ALG14: variants seen among roughly 807,000 people sequenced by gnomAD.
The protein encoded by ALG14 is UDP-N-acetylglucosamine transferase subunit ALG14.
Under a neutral mutation model 22.8 loss-of-function variants are expected in ALG14, and 17 were observed. That is an observed-to-expected ratio of 0.75 (90% confidence interval 0.51 to 1.12). ALG14 has a LOEUF of 1.12. Ranked by LOEUF, ALG14 falls within the 50% of genes most tolerant of loss-of-function variation. The pLI is 0.00. For synonymous variants in ALG14, 89 were observed against 103.7 expected, an observed-to-expected ratio of 0.86 and a Z score of 0.86; for missense variants, 288 against 271.8, an observed-to-expected ratio of 1.06 and a Z score of -0.42.
chr1:94,993,184 G>A lies in ALG14; in HGVS notation c.421-9878C>T, dbSNP rs533983890. Among the ~76,000 whole-genome samples, 9 of 148,936 alleles carry A rather than the reference G, an allele frequency of 6.0e-5. No homozygotes were observed. The South Asian group carries it at 1.9e-3, about 32-fold the overall frequency. Reference sequence around the variant, plus strand: ...TCTTATATATCACTTGGAGTAGACTGGGCAGGGCAAAAATTGAGGAAGGGT... The same window carrying A: ...TCTTATATATCACTTGGAGTAGACTAGGCAGGGCAAAAATTGAGGAAGGGT... On this transcript the variant is annotated intron_variant, in intron 3 of 3. Coordinates refer to ENST00000370205, the MANE Select transcript of ALG14 (RefSeq NM_144988.4).
rs1340916232 is a variant in ALG14 at position 95,045,194 on chromosome 1, T to C, written c.289-17934A>G. Among the ~76,000 whole-genome samples, 68 of 152,176 alleles carry C rather than the reference T, an allele frequency of 4.5e-4. 1 individual carries two copies. The highest frequency in any genetic ancestry group is 1.3e-4 in the Non-Finnish European group (9 of 68,016). On this transcript the variant is annotated intron_variant, in intron 2 of 3. Transcript: ENST00000370205. ...TTTCTGAACTTGTATTACTTGATAG[T>C]CTTTTGTTGATTTTGTTTCTAGATA... is the stretch of plus-strand genomic sequence containing the variant.
At chr1:95,013,253 T>C (rs1262713651) in intron 3 of ALG14, among the ~76,000 whole-genome samples, 1 of 152,104 alleles carries the variant, frequency 6.6e-6, no homozygotes, top group Non-Finnish European at 1.5e-5. Flanking sequence ...GTATTTGAAA[T>C]TAACCATAAG....
rs1184362756 is a variant in ALG14 at position 95,072,843 on chromosome 1, A to G, written c.56T>C (p.Ile19Thr). ...AAAGAVAVFLILRIWVVLRSM... is the reference protein window; with the variant it reads ...AAAGAVAVFLTLRIWVVLRSM... ...ACGAAGCACTACCCATATTCGCAGG[A>G]TTAGGAAAACCGCCACAGCTCCTGC... Residue 19 changes from isoleucine (I) to threonine (T), a missense_variant, in exon 1 of 4, where the codon ATC becomes ACC. By Grantham distance (89) the Ile-to-Thr change is moderately conservative (BLOSUM62 -1). Transcript: ENST00000370205. 1.2e-6 allele frequency: 2 copies of G among 1,614,026 alleles called. No homozygotes were observed. The highest frequency in any genetic ancestry group is 1.7e-6 in the Non-Finnish European group (2 of 1,180,042).
intron 3 of ALG14, among the ~76,000 whole-genome samples, chr1:95,023,793 C>T (rs1379281602): frequency 6.6e-6 from 1 of 152,192 alleles, no homozygotes; most frequent in Non-Finnish European, 1.5e-5. Flanking sequence ...TTTGGAAACC[C>T]TCCTGGTTTT....
chr1:95,042,327 CAT>C (rs1491237709), intron 2 of ALG14, among the ~76,000 whole-genome samples: 4 of 145,662 alleles, frequency 2.7e-5, no homozygotes, highest in East Asian at 2.1e-4. Context: ...CACACACACA[CAT>C]ACACACAGTT....
chr1:95,045,196 T>C (rs1674507703), intron 2 of ALG14, among the ~76,000 whole-genome samples: 1 of 152,200 alleles, frequency 6.6e-6, no homozygotes. Context: ...CTTGATAGTC[T>C]TTTGTTGATT....
chr1:95,031,163 T>C (rs1673989467), intron 2 of ALG14, among the ~76,000 whole-genome samples: 1 of 152,160 alleles, frequency 6.6e-6, no homozygotes, highest in African/African-American at 2.4e-5. Flanking sequence ...TGTCTCAGCA[T>C]AATTATTGAT....
chr1:95,055,592 C>G (rs955262890), intron 2 of ALG14, among the ~76,000 whole-genome samples: 1 of 151,960 alleles, frequency 6.6e-6, no homozygotes, highest in Admixed American at 6.6e-5. Flanking sequence ...GATATAAGTT[C>G]TCCCCAAACT....
chr1:95,071,501 C>T (rs1675564407), intron 1 of ALG14, among the ~76,000 whole-genome samples: 1 of 152,100 alleles, frequency 6.6e-6, no homozygotes, highest in Admixed American at 6.5e-5. Context: ...TGAGACTGCG[C>T]CACTGCCCTC....
rs1458325257 is a variant in ALG14 at position 95,064,943 on chromosome 1, C to A, written c.211G>T (p.Ala71Ser). Residue 71 changes from alanine to serine, a missense_variant, in exon 2 of 4, where the codon GCT becomes TCT. Coordinates refer to ENST00000370205, the MANE Select transcript of ALG14 (RefSeq NM_144988.4). ...NAYSPRHYVI[A>S]DTDEMSANKI... ...TTGGCACTCATTTCATCAGTGTCAG[C>A]AATGACATAATGTCTAGGTGAGTAG... is the stretch of plus-strand genomic sequence containing the variant. 1 of 1,613,884 alleles carries A rather than the reference C, an allele frequency of 6.2e-7. No individual in the cohort carries two copies. Among genetic ancestry groups the A allele is most frequent in the Non-Finnish European group, 8.5e-7 (1 of 1,179,858 alleles).
At chr1:95,007,176 T>C (rs1419345303) in intron 3 of ALG14, among the ~76,000 whole-genome samples, 1 of 152,224 alleles carries the variant, frequency 6.6e-6, no homozygotes. Flanking sequence ...TTTTTAATAC[T>C]TGCAAGTAGA....
chr1:94,990,858 G>A (rs1034619575), intron 3 of ALG14, among the ~76,000 whole-genome samples: 4 of 152,210 alleles, frequency 2.6e-5, no homozygotes, highest in Non-Finnish European at 5.9e-5. Flanking sequence ...AAATAACTGA[G>A]AAGAACAGTA....
At chr1:95,058,521 T>A (rs1276805803) in intron 2 of ALG14, among the ~76,000 whole-genome samples, 1 of 145,718 alleles carries the variant, frequency 6.9e-6, no homozygotes, top group Admixed American at 7.0e-5. Flanking sequence ...GGAGGCTGAG[T>A]CAGGAGACTC....
At chr1:95,047,545 T>G (rs1232790301) in intron 2 of ALG14, among the ~76,000 whole-genome samples, 2 of 152,142 alleles carry the variant, frequency 1.3e-5, no homozygotes. Context: ...GGTTTCACCA[T>G]GTTGGCCAGG....
chr1:94,984,530 G>T (rs1296257627), intron 3 of ALG14, among the ~76,000 whole-genome samples: 1 of 152,286 alleles, frequency 6.6e-6, no homozygotes, highest in South Asian at 2.1e-4. Context: ...TGTTTTAGAT[G>T]AGACCAATCT....
At chr1:95,015,920 G>T (rs896715024) in intron 3 of ALG14, among the ~76,000 whole-genome samples, 1 of 152,178 alleles carries the variant, frequency 6.6e-6, no homozygotes, top group Non-Finnish European at 1.5e-5. Context: ...TTAGCCTCTT[G>T]ATTTCTGGAA....
chr1:95,047,513 T>G (rs1385763715), intron 2 of ALG14, among the ~76,000 whole-genome samples: 1 of 152,078 alleles, frequency 6.6e-6, no homozygotes, highest in Admixed American at 6.5e-5. Context: ...CCAGCTAATT[T>G]TTGTATTTTT....
intron 1 of ALG14, among the ~76,000 whole-genome samples, chr1:95,069,202 T>C (rs936210342): frequency 6.6e-6 from 1 of 152,214 alleles, no homozygotes; most frequent in African/African-American, 2.4e-5. Flanking sequence ...AGATAAGTCA[T>C]GTGCGGTGGC....
intron 3 of ALG14, among the ~76,000 whole-genome samples, chr1:95,006,246 A>G (rs1463794966): frequency 1.3e-5 from 2 of 152,234 alleles, no homozygotes; most frequent in Admixed American, 6.5e-5. Context: ...TACATATTGC[A>G]AAACACGTAA....
Sources: allele counts gnomAD v4.1 joint callset (sites outside exome capture counted in the v4.1 genomes callset), GRCh38; gene constraint gnomAD v4.1.1; transcripts MANE v1.5; gene names NCBI Gene and HGNC (gene_info 2026-07-23, HGNC 2026-07-21).